CARD8: variants seen among roughly 807,000 people sequenced by gnomAD.
CARD8 encodes the protein caspase recruitment domain family member 8, also known as caspase recruitment domain-containing protein 8.
In CARD8, 38 loss-of-function variants were observed where a neutral mutation model predicts 53.2. The ratio of observed to expected loss-of-function variants is 0.71; its 90% CI spans 0.55 to 0.94. The LOEUF is 0.94. CARD8 is among the 40% of genes least tolerant of loss of function. CARD8 has a pLI of 0.00. For synonymous variants in CARD8, 245 were observed against 244.9 expected (o/e 1.00, Z 0.00); for missense variants, 561 against 655.5 (o/e 0.86, Z 1.57).
At chr19:48,239,152 T>C (rs756933338) in intron 4 of CARD8, among the ~76,000 whole-genome samples, 10 of 152,204 alleles carry the variant, frequency 6.6e-5, no homozygotes, top group Non-Finnish European at 1.3e-4. Flanking sequence ...CTGAGCTTAT[T>C]TGAAGGTAGG....
intron 10 of CARD8, 81 bp from the exon 11 acceptor site, chr19:48,221,936 A>G (rs2040728030): frequency 8.4e-7 from 1 of 1,196,848 alleles, no homozygotes; most frequent in Admixed American, 2.4e-5. Flanking sequence ...TTTATATGGT[A>G]TATTAAGTAG....
Position 48,244,664 on chromosome 19 carries a change from A to T in CARD8, c.-43-3601T>A, listed in dbSNP as rs1053106466. Among the ~76,000 whole-genome samples, 30 of 152,292 alleles carry T rather than the reference A, an allele frequency of 2.0e-4. No individual in the cohort carries two copies. In the South Asian group the frequency reaches 2.7e-3, roughly 14 times the overall value. On this transcript the variant is annotated intron_variant, in intron 3 of 13. Transcript: ENST00000651546. ...CAGAGTACAGAAATACTACAAAAAC[A>T]CACTTGTAGAAAGAACATTCTGCAT...
At chr19:48,231,594 C>G (rs1420583086) in intron 8 of CARD8, 66 bp downstream of exon 8, 2 of 1,480,766 alleles carry the variant, frequency 1.4e-6, no homozygotes, top group Non-Finnish European at 1.8e-6. Flanking sequence ...TGAGCCACCA[C>G]GCCTGGCCTA....
At chr19:48,223,134 T>C (rs924307520) in intron 10 of CARD8, among the ~76,000 whole-genome samples, 32 of 152,176 alleles carry the variant, frequency 2.1e-4, no homozygotes, top group African/African-American at 7.7e-4. Flanking sequence ...TGAAACCCCA[T>C]GTCTACTAAA....
At chr19:48,224,343 A>G (rs1240229241) in intron 10 of CARD8, among the ~76,000 whole-genome samples, 1 of 152,196 alleles carries the variant, frequency 6.6e-6, no homozygotes, top group African/African-American at 2.4e-5. Flanking sequence ...TTAACTCACA[A>G]TATCATTTAG....
Position 48,211,706 on chromosome 19 carries a change from C to G in CARD8, c.*4G>C. The G allele has an allele frequency of 6.2e-7, 1 of 1,612,910 alleles. No individual in the cohort carries two copies. Among genetic ancestry groups the G allele is most frequent in the Non-Finnish European group, 8.5e-7 (1 of 1,179,352 alleles). On this transcript the variant is annotated 3_prime_UTR_variant, in exon 14 of 14. Transcript: ENST00000651546. Reference sequence around the variant, plus strand: ...TCTCTTCCAGACTACCTAACTGACTCATTTTACAAATTCTGCTGTCTAAGA... The same window carrying G: ...TCTCTTCCAGACTACCTAACTGACTGATTTTACAAATTCTGCTGTCTAAGA...
At chr19:48,212,289 A>G (rs995500663) in intron 13 of CARD8, among the ~76,000 whole-genome samples, 2 of 152,158 alleles carry the variant, frequency 1.3e-5, no homozygotes, top group African/African-American at 2.4e-5. Context: ...ACATACATTT[A>G]TATATAAATC....
chr19:48,229,528 C>T lies in CARD8; in HGVS notation c.1035+910G>A, dbSNP rs182177168. Reference sequence around the variant, plus strand: ...CACCCTAAGTCCTGACAGGCAGGCACCTGCCTCTCATTCTTGGGATGTTGG... The same window carrying T: ...CACCCTAAGTCCTGACAGGCAGGCATCTGCCTCTCATTCTTGGGATGTTGG... On this transcript the variant is annotated intron_variant, in intron 10 of 13. Coordinates refer to ENST00000651546, the MANE Select transcript of CARD8 (RefSeq NM_001184900.3). Among the ~76,000 whole-genome samples the T allele has an allele frequency of 5.9e-5, 9 of 152,352 alleles. 1 individual carries two copies. The East Asian group carries it at 1.5e-3, about 26-fold the overall frequency.
intron 12 of CARD8, 49 bp downstream of exon 12, chr19:48,218,822 T>C (rs748317928): frequency 1.1e-5 from 17 of 1,589,214 alleles, no homozygotes; most frequent in Non-Finnish European, 1.4e-5. Context: ...AGGATAGAGG[T>C]ACATGATGGA....
chr19:48,234,291 T>G, intron 6 of CARD8, 112 bp downstream of exon 6: 2 of 1,095,100 alleles, frequency 1.8e-6, no homozygotes, highest in Non-Finnish European at 2.6e-6. Flanking sequence ...ATAAGCTCAT[T>G]CATTCTCCCC....
intron 12 of CARD8, among the ~76,000 whole-genome samples, chr19:48,218,277 G>A (rs567852257): frequency 1.3e-5 from 2 of 151,330 alleles, no homozygotes; most frequent in South Asian, 4.2e-4. Context: ...GTAAACATGT[G>A]CCATGGTGGT....
chr19:48,238,904 C>T (rs533139097), intron 4 of CARD8, among the ~76,000 whole-genome samples: 1 of 152,336 alleles, frequency 6.6e-6, no homozygotes, highest in African/African-American at 2.4e-5. Flanking sequence ...AACTGCATTG[C>T]TGTTACCACT....
chr19:48,238,463 C>CGTATGCT lies in CARD8; in HGVS notation c.128_129insAGCATAC (p.Val44AlafsTer4), dbSNP rs1340129678. 2 of 1,536,162 alleles carry CGTATGCT rather than the reference C, an allele frequency of 1.3e-6. No homozygotes were observed. Among genetic ancestry groups the CGTATGCT allele is most frequent in the African/African-American group, 2.7e-5 (2 of 73,022 alleles). On this transcript the variant is annotated frameshift_variant, in exon 5 of 14. Coordinates refer to ENST00000651546, the MANE Select transcript of CARD8 (RefSeq NM_001184900.3). LOFTEE classifies it high-confidence loss of function. ...GCAGTTCCCGTATGCTATTGTCAAC[C>CGTATGCT]AACAGTTTCCGTGATCCTTGTAGTC...
intron 4 of CARD8, among the ~76,000 whole-genome samples, chr19:48,240,307 G>A (rs184049428): frequency 6.6e-6 from 1 of 152,320 alleles, no homozygotes; most frequent in African/African-American, 2.4e-5. Flanking sequence ...CATGCTATGG[G>A]ATTGTCAAGA....
At chr19:48,248,850 A>G (rs2046534444) in intron 3 of CARD8, among the ~76,000 whole-genome samples, 1 of 152,254 alleles carries the variant, frequency 6.6e-6, no homozygotes, top group Non-Finnish European at 1.5e-5. Context: ...TTAATACTGT[A>G]GCGCAGTTAA....
At chr19:48,219,059 G>T in intron 11 of CARD8, 47 bp from the exon 12 acceptor site, 3 of 1,596,602 alleles carry the variant, frequency 1.9e-6, no homozygotes, top group Non-Finnish European at 2.6e-6. Flanking sequence ...GGGTGGAAAG[G>T]CCCGGCTCCC....
intron 5 of CARD8, among the ~76,000 whole-genome samples, 176 bp from the exon 6 acceptor site, chr19:48,234,719 T>C (rs771778420): frequency 2.6e-5 from 4 of 152,228 alleles, no homozygotes; most frequent in Non-Finnish European, 5.9e-5. Flanking sequence ...TGACTCTTTC[T>C]TACATCTCAT....
chr19:48,244,010 A>T (rs919093273), intron 3 of CARD8, among the ~76,000 whole-genome samples: 4 of 152,148 alleles, frequency 2.6e-5, no homozygotes, highest in African/African-American at 7.2e-5. Context: ...TTACACCTGT[A>T]TTAGGAGAGT....
intron 1 of CARD8, among the ~76,000 whole-genome samples, chr19:48,254,774 G>A (rs555510334): frequency 6.6e-6 from 1 of 152,160 alleles, no homozygotes; most frequent in Non-Finnish European, 1.5e-5. Flanking sequence ...GGAAGGCCAT[G>A]AAGAGAGGGC....
Sources: gnomAD v4.1 joint callset for allele counts (sites outside exome capture counted in the v4.1 genomes callset) on GRCh38, gnomAD v4.1.1 for gene constraint, MANE v1.5 for transcripts, NCBI Gene and HGNC (gene_info 2026-07-23, HGNC 2026-07-21) for gene names.